The following POU5F2 variants were observed in gnomAD, a reference collection of about 807,000 sequenced individuals.
The protein encoded by POU5F2 is POU domain class 5, transcription factor 2.
For missense variants in POU5F2, 401 were observed against 426.6 expected, an observed-to-expected ratio of 0.94 and a Z score of 0.53; for synonymous variants, 191 against 178.7, an observed-to-expected ratio of 1.07 and a Z score of -0.55.
rs989154625 is a variant in POU5F2 at position 93,737,916 on chromosome 5, CTT to C, written c.*2659_*2660del. Reference sequence around the variant, plus strand: ...AAAACACAGGAGCAAATCTTCATGACTTTGCATTTGGCAACATGAAAAGCCTA... The same window carrying C: ...AAAACACAGGAGCAAATCTTCATGACTGCATTTGGCAACATGAAAAGCCTA... On this transcript the variant is annotated 3_prime_UTR_variant, in exon 1 of 1. Coordinates refer to ENST00000606183, the MANE Select transcript of POU5F2 (RefSeq NM_153216.2). 6.7e-6 allele frequency: 3 copies of C among 448,088 alleles called. No homozygotes were observed. Among genetic ancestry groups the C allele is most frequent in the Non-Finnish European group, 1.3e-5 (3 of 224,160 alleles). The allele number at this position is 448,088 out of a possible 1,614,324, so 27.8% of individuals were successfully genotyped here.
chr5:93,741,074 T>C lies in POU5F2; in HGVS notation c.490A>G (p.Ile164Val), dbSNP rs555552303. 14 of 1,613,952 alleles carry C rather than the reference T, an allele frequency of 8.7e-6. No homozygotes were observed. In the South Asian group the frequency reaches 1.4e-4, roughly 16 times the overall value. Residue 164 changes from isoleucine to valine, a missense_variant, in exon 1 of 1, where the codon ATC becomes GTC. By Grantham distance (29) the Ile-to-Val change is conservative. Transcript: ENST00000606183. ...LFGKVLSQTT[I>V]CRFEAQQLSV... is the part of the protein sequence containing the mutation. ...AGCTGCTGGGCCTCGAAGCGGCAGA[T>C]GGTCGTCTGGCTAAGCACCTTCCCA...
rs1746647691 is a variant in POU5F2 at position 93,733,841 on chromosome 5, T to A, written c.*6736A>T. 1 of 152,204 alleles carries A rather than the reference T, an allele frequency of 6.6e-6. No homozygotes were observed. Among genetic ancestry groups the A allele is most frequent in the African/African-American group, 2.4e-5 (1 of 41,452 alleles). The allele number at this position is 152,204 out of a possible 1,614,324, so 9.4% of individuals were successfully genotyped here. ...TTCACTTTAAAAACACAGTTTGACATAAATAACACCATTTTGCATTCTGAA... is the reference window on the plus strand; with the variant it reads ...TTCACTTTAAAAACACAGTTTGACAAAAATAACACCATTTTGCATTCTGAA... On this transcript the variant is annotated 3_prime_UTR_variant, in exon 1 of 1. Coordinates refer to ENST00000606183, the MANE Select transcript of POU5F2 (RefSeq NM_153216.2).
Position 93,736,116 on chromosome 5 carries a change from A to G in POU5F2, c.*4461T>C, listed in dbSNP as rs1425017536. The stretch of plus-strand genomic sequence containing the variant: ...TGGGCATTGTCATCAAGGACGCTGG[A>G]CCATGGGAAGCTGTGCTGATATATA... On this transcript the variant is annotated 3_prime_UTR_variant, in exon 1 of 1. Coordinates refer to ENST00000606183, the MANE Select transcript of POU5F2 (RefSeq NM_153216.2). The G allele has an allele frequency of 6.6e-6, 1 of 152,146 alleles. No individual in the cohort carries two copies. Among genetic ancestry groups the G allele is most frequent in the Non-Finnish European group, 1.5e-5 (1 of 68,024 alleles). The allele number at this position is 152,146 out of a possible 1,614,324, so 9.4% of individuals were successfully genotyped here. A position where few individuals can be genotyped will look rare whatever the true frequency, so the allele number is the denominator to read the frequency against.
rs928707719 is a variant in POU5F2 at position 93,737,773 on chromosome 5, T to C, written c.*2804A>G. On this transcript the variant is annotated 3_prime_UTR_variant, in exon 1 of 1. Coordinates refer to ENST00000606183, the MANE Select transcript of POU5F2 (RefSeq NM_153216.2). ...CCTCAACAAATGGTGCTGGGAAAACTGGCTATCCACATGCAAAAGAATGAA... is the reference window on the plus strand; with the variant it reads ...CCTCAACAAATGGTGCTGGGAAAACCGGCTATCCACATGCAAAAGAATGAA... 1 of 332,894 alleles carries C rather than the reference T, an allele frequency of 3.0e-6. No individual in the cohort carries two copies. The highest frequency in any genetic ancestry group is 9.0e-5 in the East Asian group (1 of 11,150). The allele number at this position is 332,894 out of a possible 1,614,324, so 20.6% of individuals were successfully genotyped here. A position where few individuals can be genotyped will look rare whatever the true frequency, so the allele number is the denominator to read the frequency against.
the POU5F2 span, chr5:93,741,083 G>A: frequency 6.2e-7 from 1 of 1,613,920 alleles, no homozygotes; most frequent in African/African-American, 1.3e-5. Context: ...ATGGTCGTCT[G>A]GCTAAGCACC....
chr5:93,734,144 A>C lies in POU5F2; in HGVS notation c.*6433T>G, dbSNP rs967367250. The C allele has an allele frequency of 3.3e-5, 5 of 152,186 alleles. No individual in the cohort carries two copies. Among genetic ancestry groups the C allele is most frequent in the African/African-American group, 1.2e-4 (5 of 41,458 alleles). The allele number at this position is 152,186 out of a possible 1,614,324, so 9.4% of individuals were successfully genotyped here. A position where few individuals can be genotyped will look rare whatever the true frequency, so the allele number is the denominator to read the frequency against. On this transcript the variant is annotated 3_prime_UTR_variant, in exon 1 of 1. Transcript: ENST00000606183. Reference sequence around the variant, plus strand: ...AGAGAATAAGAAAACTTCTAGGAAAAAGAGAAATTGTTCCTTATGATAAGA... The same window carrying C: ...AGAGAATAAGAAAACTTCTAGGAAACAGAGAAATTGTTCCTTATGATAAGA...
Position 93,740,641 on chromosome 5 carries a change from A to G in POU5F2, c.923T>C (p.Leu308Pro), listed in dbSNP as rs773092437. The change falls in exon 1 of 1, where the codon CTC (leucine) becomes CCC (proline). Residue 308 changes from leucine (L) to proline (P), a missense_variant. By Grantham distance (98) the Leu-to-Pro change is moderately conservative. Transcript: ENST00000606183. ...LPVDIPHYTR[L>P]YSAGVAHSSA... ...GGAGTGGGCTACCCCTGCAGAGTAG[A>G]GACGTGTATAGTGGGGGATATCCAC... The G allele has an allele frequency of 1.2e-6, 2 of 1,613,266 alleles. No individual in the cohort carries two copies. Among genetic ancestry groups the G allele is most frequent in the South Asian group, 2.2e-5 (2 of 91,068 alleles).
In POU5F2 at chr5:93,740,252, A is replaced by G. The variant is rs909927387; in HGVS notation, c.*325T>C. On this transcript the variant is annotated 3_prime_UTR_variant, in exon 1 of 1. Transcript: ENST00000606183. ...ATGAAAAAATTTAAACCCTATGTTT[A>G]CTGATAACCACAAGGAATAACAGAC... 1 of 218,002 alleles carries G rather than the reference A, an allele frequency of 4.6e-6. No homozygotes were observed. Among genetic ancestry groups the G allele is most frequent in the Non-Finnish European group, 9.1e-6 (1 of 110,318 alleles). The allele number at this position is 218,002 out of a possible 1,614,324, so 13.5% of individuals were successfully genotyped here.
chr5:93,741,130 G>A lies in POU5F2; in HGVS notation c.434C>T (p.Ala145Val), dbSNP rs1171257915. Residue 145 changes from alanine (A) to valine (V), a missense_variant, in exon 1 of 1, where the codon GCC (alanine) becomes GTC (valine). Coordinates refer to ENST00000606183, the MANE Select transcript of POU5F2 (RefSeq NM_153216.2). ...QKRLSLGYSQADVGIAVGALF... is the reference protein window; with the variant it reads ...QKRLSLGYSQVDVGIAVGALF... ...AGCTCCCACAGCGATCCCCACATCG[G>A]CCTGCGAGTACCCTAGGCTCAACCT... The A allele has an allele frequency of 6.2e-7, 1 of 1,613,790 alleles. No homozygotes were observed. The highest frequency in any genetic ancestry group is 8.5e-7 in the Non-Finnish European group (1 of 1,179,880).
Position 93,736,745 on chromosome 5 carries a change from G to A in POU5F2, c.*3832C>T, listed in dbSNP as rs1300232460. ...ATTTTTCATTTATTCCAGAGAAACT[G>A]TCAAAAACCCATACCCTCGCATATA... On this transcript the variant is annotated 3_prime_UTR_variant, in exon 1 of 1. Coordinates refer to ENST00000606183, the MANE Select transcript of POU5F2 (RefSeq NM_153216.2). 6.6e-6 allele frequency: 1 copy of A among 152,048 alleles called. No individual in the cohort carries two copies. Among genetic ancestry groups the A allele is most frequent in the Non-Finnish European group, 1.5e-5 (1 of 68,002 alleles). 9.4% of individuals were successfully genotyped at this position (152,048 alleles called of 1,614,324 possible).
chr5:93,737,176 A>G lies in POU5F2; in HGVS notation c.*3401T>C, dbSNP rs1293143001. 3.3e-5 allele frequency: 5 copies of G among 152,200 alleles called. No individual in the cohort carries two copies. Among genetic ancestry groups the G allele is most frequent in the Non-Finnish European group, 7.3e-5 (5 of 68,042 alleles). The allele number at this position is 152,200 out of a possible 1,614,324, so 9.4% of individuals were successfully genotyped here. ...GAACAATTTCAAAAGGAAATGAAGG[A>G]AACTATTCCATTTACAGTAGTATCC... On this transcript the variant is annotated 3_prime_UTR_variant, in exon 1 of 1. Transcript: ENST00000606183.
At position 93,734,055 on chromosome 5, in the gene POU5F2, C is replaced by T. The variant is rs1347422860; in HGVS notation, c.*6522G>A. ...AAAAATTAAATTATCGAAACAGATG[C>T]TAATTCAAGAAAAAGATCATGCTTT... On this transcript the variant is annotated 3_prime_UTR_variant, in exon 1 of 1. Coordinates refer to ENST00000606183, the MANE Select transcript of POU5F2 (RefSeq NM_153216.2). 1 of 152,110 alleles carries T rather than the reference C, an allele frequency of 6.6e-6. No individual in the cohort carries two copies. Among genetic ancestry groups the T allele is most frequent in the Admixed American group, 6.5e-5 (1 of 15,280 alleles). 9.4% of individuals were successfully genotyped at this position (152,110 alleles called of 1,614,324 possible).
rs528631122 is a variant in POU5F2 at position 93,740,174 on chromosome 5, T to C, written c.*403A>G. 151 of 158,324 alleles carry C rather than the reference T, an allele frequency of 9.5e-4. 3 individuals are homozygous for C. Among genetic ancestry groups the C allele is most frequent in the Admixed American group, 4.0e-3 (65 of 16,086 alleles). 9.8% of individuals were successfully genotyped at this position (158,324 alleles called of 1,614,324 possible). ...TTCTGCTTGATTTTAAGTAAAAAAT[T>C]GTATACTAAGGTAGTCTTCTGTGAC... On this transcript the variant is annotated 3_prime_UTR_variant, in exon 1 of 1. Coordinates refer to ENST00000606183, the MANE Select transcript of POU5F2 (RefSeq NM_153216.2).
Position 93,734,327 on chromosome 5 carries a change from A to G in POU5F2, c.*6250T>C, listed in dbSNP as rs890788813. The stretch of plus-strand genomic sequence containing the variant: ...ATATCTAGAAAATATAGATTCAAAG[A>G]AAACCAGAAATTACCTATTATATAG... On this transcript the variant is annotated 3_prime_UTR_variant, in exon 1 of 1. Transcript: ENST00000606183. 6.6e-6 allele frequency: 1 copy of G among 152,196 alleles called. No homozygotes were observed. Among genetic ancestry groups the G allele is most frequent in the Non-Finnish European group, 1.5e-5 (1 of 68,030 alleles). 9.4% of individuals were successfully genotyped at this position (152,196 alleles called of 1,614,324 possible). A position where few individuals can be genotyped will look rare whatever the true frequency, so the allele number is the denominator to read the frequency against.
Position 93,741,362 on chromosome 5 carries a change from G to C in POU5F2, c.202C>G (p.Leu68Val). The C allele has an allele frequency of 6.2e-7, 1 of 1,611,022 alleles. No homozygotes were observed. Reference sequence around the variant, plus strand: ...ATCCAGCCCCGGAATTCGTGTGGCAGGGGACCCAGGGGAATCCTCCACACG... The same window carrying C: ...ATCCAGCCCCGGAATTCGTGTGGCACGGGACCCAGGGGAATCCTCCACACG... ...PDVWRIPLGP[L>V]PHEFRGWIAP... The change falls in exon 1 of 1, where the codon CTG (leucine) becomes GTG (valine). Residue 68 changes from leucine (L) to valine (V), a missense_variant. Transcript: ENST00000606183.
At position 93,740,644 on chromosome 5, in the gene POU5F2, C is replaced by T; in HGVS notation, c.920G>A (p.Arg307His). The change falls in exon 1 of 1, where the codon CGT becomes CAT. Residue 307 changes from arginine to histidine, a missense_variant. Arg to His is a conservative substitution (Grantham distance 29). Coordinates refer to ENST00000606183, the MANE Select transcript of POU5F2 (RefSeq NM_153216.2). ...GLPVDIPHYT[R>H]LYSAGVAHSS... ...GTGGGCTACCCCTGCAGAGTAGAGA[C>T]GTGTATAGTGGGGGATATCCACTGG... 2 of 1,613,768 alleles carry T rather than the reference C, an allele frequency of 1.2e-6. No homozygotes were observed. The highest frequency in any genetic ancestry group is 1.7e-6 in the Non-Finnish European group (2 of 1,179,788).
At position 93,740,573 on chromosome 5, in the gene POU5F2, A is replaced by C; in HGVS notation, c.*4T>G. ...CCGTGCCGTGAAGGGCAAGCCCCTC[A>C]GCCCTAAAATCTGAGGAGGCCCAGA... On this transcript the variant is annotated 3_prime_UTR_variant, in exon 1 of 1. Transcript: ENST00000606183. 1 of 1,586,750 alleles carries C rather than the reference A, an allele frequency of 6.3e-7. No individual in the cohort carries two copies. Among genetic ancestry groups the C allele is most frequent in the South Asian group, 1.1e-5 (1 of 89,080 alleles).
Position 93,740,617 on chromosome 5 carries a change from G to A in POU5F2, c.947C>T (p.Ser316Phe), listed in dbSNP as rs778559000. The change falls in exon 1 of 1, where the codon TCC becomes TTC. Residue 316 changes from serine (S) to phenylalanine (F), a missense_variant. Transcript: ENST00000606183. ...GCCCAGAGTGGTGGCTGGGGCAGAGGAGTGGGCTACCCCTGCAGAGTAGAG... is the reference window on the plus strand; with the variant it reads ...GCCCAGAGTGGTGGCTGGGGCAGAGAAGTGGGCTACCCCTGCAGAGTAGAG... ...TRLYSAGVAH[S>F]SAPATTLGLL... 1 of 1,604,268 alleles carries A rather than the reference G, an allele frequency of 6.2e-7. No individual in the cohort carries two copies. The highest frequency in any genetic ancestry group is 1.1e-5 in the South Asian group (1 of 90,952).
chr5:93,740,906 G>T lies in POU5F2; in HGVS notation c.658C>A (p.Arg220=), dbSNP rs761032270. 1 of 1,613,954 alleles carries T rather than the reference G, an allele frequency of 6.2e-7. No homozygotes were observed. Among genetic ancestry groups the T allele is most frequent in the Non-Finnish European group, 8.5e-7 (1 of 1,179,870 alleles). The change falls in exon 1 of 1, where the codon CGA becomes AGA. Residue 220 remains arginine, a synonymous_variant. Coordinates refer to ENST00000606183, the MANE Select transcript of POU5F2 (RefSeq NM_153216.2). ...AATTTCTCCAGGCTGTTTCCGATTCGTCGCTCTCTGCTTGCCCGTCTCCAC... is the reference window on the plus strand; with the variant it reads ...AATTTCTCCAGGCTGTTTCCGATTCTTCGCTCTCTGCTTGCCCGTCTCCAC... The part of the protein sequence containing the change: ...GKWRRASRER[R]IGNSLEKFFQ...
Sources: allele counts gnomAD v4.1 joint callset, GRCh38; gene constraint gnomAD v4.1.1; transcripts MANE v1.5; gene names NCBI Gene and HGNC (gene_info 2026-07-23, HGNC 2026-07-21).